The following GRHL3 variants were observed in gnomAD, a reference collection of about 807,000 sequenced individuals.
GRHL3 encodes the protein grainyhead like transcription factor 3.
GRHL3 carries 20 observed loss-of-function variants against 70.3 expected under a neutral mutation model. The observed-to-expected ratio is 0.28, with a 90% CI of 0.20 to 0.41. The LOEUF (loss-of-function observed/expected upper bound fraction) is 0.41. Ranked by LOEUF, GRHL3 falls within the 10% of genes least tolerant of loss-of-function variation. GRHL3 has a pLI of 1.00. For missense variants in GRHL3, 637 were observed against 762.3 expected, an observed-to-expected ratio of 0.84 and a Z score of 1.94; for synonymous variants, 299 against 299.9, an observed-to-expected ratio of 1.00 and a Z score of 0.03.
At chr1:24,343,639 G>A (rs1480397669) in intron 11 of GRHL3, among the ~76,000 whole-genome samples, 2 of 152,110 alleles carry the variant, frequency 1.3e-5, no homozygotes, top group African/African-American at 2.4e-5. Context: ...CCCTGTTACA[G>A]CTGTCCTCCG....
intron 1 of GRHL3, among the ~76,000 whole-genome samples, chr1:24,324,077 C>T (rs1282170024): frequency 6.6e-6 from 1 of 152,064 alleles, no homozygotes; most frequent in Non-Finnish European, 1.5e-5. Flanking sequence ...ATGTGGCACC[C>T]CCGGGTTTAC....
chr1:24,356,089 C>T (rs1405275200), downstream of GRHL3, among the ~76,000 whole-genome samples: 2 of 151,386 alleles, frequency 1.3e-5, no homozygotes, highest in South Asian at 2.1e-4. Flanking sequence ...TTAGTAGAGA[C>T]GGGGTTTCAC....
downstream of GRHL3, among the ~76,000 whole-genome samples, chr1:24,356,328 C>T (rs865814248): frequency 5.9e-5 from 9 of 152,000 alleles, no homozygotes; most frequent in East Asian, 1.9e-4. Context: ...CTGCAAGCTC[C>T]GCCTCCCGGG....
At chr1:24,353,468 T>G (rs1306144756) in intron 15 of GRHL3, among the ~76,000 whole-genome samples, 2 of 122,112 alleles carry the variant, frequency 1.6e-5, no homozygotes, top group Admixed American at 1.1e-4. Context: ...GGTGTGTGTG[T>G]GGGTGTGTAG....
At chr1:24,355,471 C>T (rs1002303203), downstream of GRHL3, among the ~76,000 whole-genome samples, 3 of 152,134 alleles carry the variant, frequency 2.0e-5, no homozygotes, top group Admixed American at 6.6e-5. Flanking sequence ...TGCAGGGCAC[C>T]GGTGGAGCAG....
chr1:24,320,965 GCTTTT>G (rs1440615106), intron 1 of GRHL3, among the ~76,000 whole-genome samples: 2 of 152,202 alleles, frequency 1.3e-5, no homozygotes, highest in Non-Finnish European at 1.5e-5. Context: ...AATAGTGATT[GCTTTT>G]AAGGCTGGTG....
At chr1:24,345,943 CA>C (rs1640263354) in intron 12 of GRHL3, among the ~76,000 whole-genome samples, 1 of 152,174 alleles carries the variant, frequency 6.6e-6, no homozygotes, top group Admixed American at 6.5e-5. Flanking sequence ...GCTTTCACCC[CA>C]AATTATGTCA....
chr1:24,344,171 A>G (rs1213536477), intron 11 of GRHL3, among the ~76,000 whole-genome samples: 2 of 152,134 alleles, frequency 1.3e-5, no homozygotes, highest in Non-Finnish European at 2.9e-5. Flanking sequence ...GCCCAGGGCA[A>G]TAGCCAACAG....
At chr1:24,329,423 C>A (rs1468299636) in intron 1 of GRHL3, among the ~76,000 whole-genome samples, 1 of 152,190 alleles carries the variant, frequency 6.6e-6, no homozygotes, top group Non-Finnish European at 1.5e-5. Context: ...CACAGTTTTA[C>A]CACAAACACA....
exon 16 of GRHL3, chr1:24,364,394 G>A: frequency 1.3e-6 from 2 of 1,520,256 alleles, no homozygotes; most frequent in Non-Finnish European, 1.8e-6. Context: ...GAGGAGAGGT[G>A]GAAGGACGAC....
At position 24,336,715 on chromosome 1, in the gene GRHL3, C is replaced by T. The variant is rs1473650305; in HGVS notation, c.500C>T (p.Thr167Ile). 6.2e-7 allele frequency: 1 copy of T among 1,614,128 alleles called. No individual in the cohort carries two copies. The highest frequency in any genetic ancestry group is 8.5e-7 in the Non-Finnish European group (1 of 1,179,994). Reference protein sequence around the residue: ...AGSVDSYLLPTTDMYDNGSLN... With the variant: ...AGSVDSYLLPITDMYDNGSLN... Reference sequence around the variant, plus strand: ...TCTGTGGACAGCTACCTGTTACCCACCACTGATATGTATGATAATGGCTCC... The same window carrying T: ...TCTGTGGACAGCTACCTGTTACCCATCACTGATATGTATGATAATGGCTCC... Residue 167 changes from threonine (T) to isoleucine (I), a missense_variant, in exon 4 of 16, where the codon ACC becomes ATC. This residue lies in a region of GRHL3 where 250 missense variants were observed against 248.6 expected (regional missense o/e 1.01). Transcript: ENST00000361548.
rs1382071647 is a variant in GRHL3, at chr1:24,336,624, G to T, written c.409G>T (p.Gly137Trp). 5 of 1,614,108 alleles carry T rather than the reference G, an allele frequency of 3.1e-6. No individual in the cohort carries two copies. The highest frequency in any genetic ancestry group is 4.2e-6 in the Non-Finnish European group (5 of 1,179,990). The change falls in exon 4 of 16, where the codon GGG becomes TGG. Residue 137 changes from glycine (G) to tryptophan (W), a missense_variant. Coordinates refer to ENST00000361548, the MANE Select transcript of GRHL3 (RefSeq NM_198173.3). Reference sequence around the variant, plus strand: ...GAAGAATAACCTGATGAGCTTGGAGGGGGCCTTGCCCACCCCTGGCAAGGC... The same window carrying T: ...GAAGAATAACCTGATGAGCTTGGAGTGGGCCTTGCCCACCCCTGGCAAGGC... Reference protein sequence around the residue: ...LKKNNLMSLEGALPTPGKAAP... With the variant: ...LKKNNLMSLEWALPTPGKAAP...
In GRHL3 at chr1:24,342,028, A is replaced by G; in HGVS notation, c.1048-87A>G. ...GCTTAAGGGTGAGCAGCAGGCACAC[A>G]GAAAGCTAGAAATACAGGATCACTG... is the stretch of plus-strand genomic sequence containing the variant. On this transcript the variant is annotated intron_variant, in intron 8 of 15. Coordinates refer to ENST00000361548, the MANE Select transcript of GRHL3 (RefSeq NM_198173.3). This position sits in a 1 kb window ranked among gnomAD's most constrained non-coding sequence, Gnocchi z 4.8. The G allele has an allele frequency of 7.7e-7, 1 of 1,304,822 alleles. No individual in the cohort carries two copies. The highest frequency in any genetic ancestry group is 1.0e-6 in the Non-Finnish European group (1 of 954,848). 80.8% of individuals were successfully genotyped at this position (1,304,822 alleles called of 1,614,324 possible).
chr1:24,360,935 T>C (rs1395833550), intron 15 of GRHL3: 12 of 1,613,942 alleles, frequency 7.4e-6, no homozygotes, highest in Admixed American at 1.7e-5. Flanking sequence ...ATGAAATGCT[T>C]GCGGGGGCCT....
At chr1:24,357,807 G>A (rs1422069607), downstream of GRHL3, 2 of 267,998 alleles carry the variant, frequency 7.5e-6, no homozygotes, top group Non-Finnish European at 1.5e-5. Flanking sequence ...AGGCCATGTG[G>A]ACTCCATGGA....
At chr1:24,358,607 G>A, downstream of GRHL3, 1 of 1,613,796 alleles carries the variant, frequency 6.2e-7, no homozygotes. Flanking sequence ...TGGAAGCTCT[G>A]GCTTGTACGT....
chr1:24,338,448 C>T (rs192211016), intron 7 of GRHL3, among the ~76,000 whole-genome samples: 121 of 152,326 alleles, frequency 7.9e-4, no homozygotes, highest in Middle Eastern at 3.4e-3. Context: ...CAGCACAGGA[C>T]GTTCAGCTTT....
At chr1:24,357,306 G>A (rs1018583474), downstream of GRHL3, 5 of 152,232 alleles carry the variant, frequency 3.3e-5, no homozygotes, top group African/African-American at 1.2e-4. Flanking sequence ...TGCTGTAGGT[G>A]CTCCAGGTGC....
In GRHL3 at chr1:24,342,305, C is replaced by A; in HGVS notation, c.1206+32C>A. 6.4e-7 allele frequency: 1 copy of A among 1,553,062 alleles called. No homozygotes were observed. The highest frequency in any genetic ancestry group is 1.2e-5 in the South Asian group (1 of 83,268). On this transcript the variant is annotated intron_variant, in intron 9 of 15. Coordinates refer to ENST00000361548, the MANE Select transcript of GRHL3 (RefSeq NM_198173.3). This position sits in a 1 kb window ranked among gnomAD's most constrained non-coding sequence, Gnocchi z 4.8. ...GGACTGGGCAGACCCTATACTGGGT[C>A]CCGGGGAGGTAGAAGGGCCAAACCC...
Sources: allele counts gnomAD v4.1 joint callset (sites outside exome capture counted in the v4.1 genomes callset), GRCh38; gene constraint gnomAD v4.1.1; regional missense constraint gnomAD v4.1.1; non-coding constraint Gnocchi (gnomAD v3.1); transcripts MANE v1.5; gene names NCBI Gene and HGNC (gene_info 2026-07-23, HGNC 2026-07-21).